Variants in CLIP1 observed in about 807,000 individuals in gnomAD.
The protein encoded by CLIP1 is CAP-Gly domain containing linker protein 1, also known as CAP-Gly domain-containing linker protein 1.
CLIP1 carries 66 observed loss-of-function variants against 161.6 expected under a neutral mutation model. The ratio of observed to expected loss-of-function variants is 0.41; its 90% CI spans 0.33 to 0.50. The LOEUF (loss-of-function observed/expected upper bound fraction) is 0.50. Ranked by LOEUF, CLIP1 falls within the 20% of genes least tolerant of loss-of-function variation. CLIP1 has a pLI of 0.27. For missense variants in CLIP1, 1,376 were observed against 1,702.0 expected (o/e 0.81, Z 3.37); for synonymous variants, 598 against 626.2 (o/e 0.96, Z 0.67).
chr12:122,416,539 A>T (rs1956762612), intron 1 of CLIP1, among the ~76,000 whole-genome samples: 1 of 152,140 alleles, frequency 6.6e-6, no homozygotes, highest in African/African-American at 2.4e-5. Flanking sequence ...TGAGAGGATC[A>T]CTTAAGCTCA....
At chr12:122,381,097 TG>T (rs1453345962) in intron 1 of CLIP1, among the ~76,000 whole-genome samples, 1 of 152,130 alleles carries the variant, frequency 6.6e-6, no homozygotes, top group Non-Finnish European at 1.5e-5. Context: ...GTGTTTGCTT[TG>T]TTTTATATAT....
intron 10 of CLIP1, chr12:122,341,926 G>A (rs1952530806): frequency 3.2e-6 from 1 of 308,130 alleles, no homozygotes; most frequent in Non-Finnish European, 5.9e-6. Context: ...TAGGATTACA[G>A]GCATGCGCCA....
chr12:122,383,319 C>G (rs1410681230), intron 1 of CLIP1, among the ~76,000 whole-genome samples: 2 of 152,222 alleles, frequency 1.3e-5, no homozygotes, highest in African/African-American at 4.8e-5. Flanking sequence ...TCACGTCAAG[C>G]ACTCCCTAAA....
intron 11 of CLIP1, among the ~76,000 whole-genome samples, chr12:122,340,310 C>A (rs538084107): frequency 6.6e-6 from 1 of 152,120 alleles, no homozygotes; most frequent in East Asian, 1.9e-4. Context: ...GAACTCCTGA[C>A]CTCAGGTGAT....
intron 17 of CLIP1, among the ~76,000 whole-genome samples, chr12:122,325,305 A>G (rs1050647385): frequency 1.3e-5 from 2 of 151,910 alleles, no homozygotes; most frequent in Admixed American, 6.6e-5. Flanking sequence ...TGATCCACCC[A>G]CCTAGGCCTC....
chr12:122,307,775 C>T (rs1950925970), intron 20 of CLIP1, among the ~76,000 whole-genome samples: 2 of 152,144 alleles, frequency 1.3e-5, no homozygotes, highest in Admixed American at 1.3e-4. Context: ...TGGCTCACTC[C>T]ACTCTTTTGA....
intron 4 of CLIP1, among the ~76,000 whole-genome samples, chr12:122,363,477 C>T (rs1953974212): frequency 1.3e-5 from 2 of 148,262 alleles, no homozygotes; most frequent in African/African-American, 5.0e-5. Flanking sequence ...GCCCGGCCAA[C>T]AGACAGAGGC....
intron 1 of CLIP1, among the ~76,000 whole-genome samples, chr12:122,398,163 C>T (rs996655620): frequency 2.0e-5 from 3 of 150,982 alleles, no homozygotes; most frequent in Non-Finnish European, 4.4e-5. Flanking sequence ...TGCCTGTAAT[C>T]GCAGCACTTC....
At chr12:122,357,063 G>A (rs547446212) in intron 5 of CLIP1, among the ~76,000 whole-genome samples, 63 of 152,096 alleles carry the variant, frequency 4.1e-4, no homozygotes, top group Non-Finnish European at 7.5e-4. Flanking sequence ...CCGCCACCCC[G>A]TCTGGGAAGT....
Position 122,340,390 on chromosome 12 carries a change from T to C in CLIP1, c.2451+363A>G, listed in dbSNP as rs574408416. Among the ~76,000 whole-genome samples, 3 of 152,276 alleles carry C rather than the reference T, an allele frequency of 2.0e-5. No homozygotes were observed. In the East Asian group the frequency reaches 5.8e-4, roughly 29 times the overall value. On this transcript the variant is annotated intron_variant, in intron 11 of 25. Transcript: ENST00000620786. ...CACTGCGCCTGGCCGATCTTTTGAG[T>C]TTCTGTTCATTCATTCATCTTAACA... is the stretch of plus-strand genomic sequence containing the variant.
Position 122,285,638 on chromosome 12 carries a change from C to CTT in CLIP1, c.3647+2849_3647+2850dup, listed in dbSNP as rs35808337. Among the ~76,000 whole-genome samples the CTT allele has an allele frequency of 2.6e-4, 35 of 136,098 alleles. 1 individual carries two copies. The highest frequency in any genetic ancestry group is 3.7e-3 in the Middle Eastern group (1 of 270). The allele number at this position is 136,098 out of a possible 152,430, so 89.3% of individuals were successfully genotyped here. A position where few individuals can be genotyped will look rare whatever the true frequency, so the allele number is the denominator to read the frequency against. On this transcript the variant is annotated intron_variant, in intron 21 of 25. Coordinates refer to ENST00000620786, the MANE Select transcript of CLIP1 (RefSeq NM_001247997.2). ...ACAGGCGTGAGCCACCGCACCCGACCTTTTTTTTTTTTTTTTTAAATGGAG... is the reference window on the plus strand; with the variant it reads ...ACAGGCGTGAGCCACCGCACCCGACCTTTTTTTTTTTTTTTTTTTAAATGGAG...
Position 122,272,630 on chromosome 12 carries a change from T to A in CLIP1, c.*245A>T. On this transcript the variant is annotated 3_prime_UTR_variant, in exon 26 of 26. Transcript: ENST00000620786. ...AAATGTAATGGCATCTGGTGCAATG[T>A]CTTCAAACGTAAAAATCAAGAAAAC... The A allele has an allele frequency of 2.1e-6, 1 of 485,944 alleles. No homozygotes were observed. Among genetic ancestry groups the A allele is most frequent in the East Asian group, 3.6e-5 (1 of 27,836 alleles). 30.1% of individuals were successfully genotyped at this position (485,944 alleles called of 1,614,324 possible).
intron 5 of CLIP1, among the ~76,000 whole-genome samples, chr12:122,359,727 TCAG>T (rs1286096447): frequency 2.6e-5 from 4 of 152,184 alleles, no homozygotes; most frequent in Non-Finnish European, 5.9e-5. Flanking sequence ...CGTGAAGATT[TCAG>T]CACCTGTCCC....
chr12:122,384,237 A>G (rs966253266), intron 1 of CLIP1, among the ~76,000 whole-genome samples: 2 of 152,154 alleles, frequency 1.3e-5, no homozygotes, highest in East Asian at 3.8e-4. Context: ...CACTAAATTT[A>G]ATATTAAAAC....
intron 1 of CLIP1, among the ~76,000 whole-genome samples, chr12:122,420,752 G>GA: frequency 1.3e-5 from 2 of 151,958 alleles, no homozygotes; most frequent in Admixed American, 1.3e-4. Flanking sequence ...CCTGGGCAAC[G>GA]TGGTGAAACC....
intron 20 of CLIP1, among the ~76,000 whole-genome samples, chr12:122,304,488 G>C (rs780055719): frequency 2.6e-5 from 4 of 152,144 alleles, no homozygotes; most frequent in Non-Finnish European, 4.4e-5. Flanking sequence ...AGTCTCCCGA[G>C]TAGCCAGAAT....
At chr12:122,318,829 T>G (rs1368966782) in intron 18 of CLIP1, among the ~76,000 whole-genome samples, 1 of 151,932 alleles carries the variant, frequency 6.6e-6, no homozygotes, top group South Asian at 2.1e-4. Context: ...CAAAAGGAAA[T>G]CAGTACTGAA....
chr12:122,321,504 C>T (rs774360339), intron 17 of CLIP1, among the ~76,000 whole-genome samples: 1 of 151,902 alleles, frequency 6.6e-6, no homozygotes, highest in African/African-American at 2.4e-5. Flanking sequence ...CCTCAGCCCC[C>T]GTGAGCCACC....
At chr12:122,298,866 A>G (rs1388471287) in intron 20 of CLIP1, among the ~76,000 whole-genome samples, 3 of 151,668 alleles carry the variant, frequency 2.0e-5, no homozygotes, top group Non-Finnish European at 4.4e-5. Context: ...GAGGGAGGAG[A>G]ATCGCGTGAA....
Sources: allele counts gnomAD v4.1 joint callset (sites outside exome capture counted in the v4.1 genomes callset), GRCh38; gene constraint gnomAD v4.1.1; transcripts MANE v1.5; gene names NCBI Gene and HGNC (gene_info 2026-07-23, HGNC 2026-07-21).